RYR2: variants seen among roughly 807,000 people sequenced by gnomAD.
RYR2 encodes the protein ryanodine receptor 2, also known as cardiac muscle ryanodine receptor-calcium release channel.
Under a neutral mutation model 601.1 loss-of-function variants are expected in RYR2, and 227 were observed. The ratio of observed to expected loss-of-function variants is 0.38; its 90% CI spans 0.34 to 0.42. The LOEUF (loss-of-function observed/expected upper bound fraction) is 0.42, where lower values mean the gene tolerates loss of function less well. Ranked by LOEUF, RYR2 falls within the 10% of genes least tolerant of loss-of-function variation. The pLI, the probability that RYR2 is intolerant of heterozygous loss-of-function variation, is 1.00. For missense variants in RYR2, 4,646 were observed against 6,156.5 expected (o/e 0.75, Z 8.21); for synonymous variants, 2,223 against 2,175.1 (o/e 1.02, Z -0.61).
intron 56 of RYR2, among the ~76,000 whole-genome samples, chr1:237,665,397 CAAAAAAAAA>C (rs71162408): frequency 2.6e-3 from 247 of 95,608 alleles, no homozygotes; most frequent in Middle Eastern, 8.9e-3. Flanking sequence ...GACTCTGTCT[CAAAAAAAAA>C]AAAAAAAAAA....
At chr1:237,706,861 C>G (rs1175544241) in intron 67 of RYR2, 88 bp from the exon 68 acceptor site, 2 of 1,177,660 alleles carry the variant, frequency 1.7e-6, no homozygotes, top group Non-Finnish European at 2.5e-6. Flanking sequence ...ATTTTGAAGT[C>G]CAAAATGAAA....
At chr1:237,540,696 A>C (rs1975960) in intron 25 of RYR2, among the ~76,000 whole-genome samples, 50,946 of 150,810 alleles carry the variant, frequency 0.34, 9,266 homozygotes, top group East Asian at 0.48. Context: ...AACAAAAGTG[A>C]AACTCCGTTT....
In RYR2 at chr1:237,709,513, A is replaced by C; in HGVS notation, c.10176A>C (p.Ala3392=). ...GGCTAAAGGAGCCTAACCCAGAAGC[A>C]GAGGAGCTCTTCCGCATGGTGGCTG... ...AKWLKEPNPE[A]EELFRMVAEV... is the part of the protein sequence containing the mutation. The change falls in exon 70 of 105, where the codon GCA becomes GCC. Residue 3392 remains alanine (A), a synonymous_variant. Transcript: ENST00000366574. 1 of 1,612,514 alleles carries C rather than the reference A, an allele frequency of 6.2e-7. No individual in the cohort carries two copies. Among genetic ancestry groups the C allele is most frequent in the Non-Finnish European group, 8.5e-7 (1 of 1,179,178 alleles).
rs1670037153 is a variant in RYR2, at chr1:237,548,373, A to G, written c.2907-58A>G. On this transcript the variant is annotated intron_variant, in intron 25 of 104. Transcript: ENST00000366574. ...GAGGTAGGGCCAGAAAATGATATTT[A>G]CAGAGATTTTTATGAAAAGGCCAAT... 4 of 1,561,536 alleles carry G rather than the reference A, an allele frequency of 2.6e-6. No homozygotes were observed. In the African/African-American group the frequency reaches 4.1e-5, roughly 16 times the overall value.
At chr1:237,806,049 C>T in intron 98 of RYR2, 88 bp from the exon 99 acceptor site, 1 of 1,164,112 alleles carries the variant, frequency 8.6e-7, no homozygotes, top group Non-Finnish European at 1.2e-6. Context: ...GTTTAACTTT[C>T]TGTTCCTGGC....
intron 80 of RYR2, among the ~76,000 whole-genome samples, chr1:237,747,839 T>C (rs1040404318): frequency 1.3e-4 from 20 of 152,128 alleles, no homozygotes; most frequent in Non-Finnish European, 2.8e-4. Context: ...TCAAGAAAAT[T>C]TATAATTCTT....
chr1:237,610,839 C>A lies in RYR2; in HGVS notation c.4761C>A (p.His1587Gln), dbSNP rs369612535. The change falls in exon 36 of 105, where the codon CAC becomes CAA. Residue 1587 changes from histidine (H) to glutamine (Q), a missense_variant. Physicochemically the swap from His to Gln is conservative, Grantham distance 24 (BLOSUM62 0). Coordinates refer to ENST00000366574, the MANE Select transcript of RYR2 (RefSeq NM_001035.3). This position sits in a 1 kb window ranked among gnomAD's most constrained non-coding sequence, Gnocchi z 4.9. The part of the protein sequence containing the change: ...NPVPQCPPRL[H>Q]VQFLSHVLWS... Reference sequence around the variant, plus strand: ...TGCCGCAGTGCCCCCCGCGCCTCCACGTGCAGTTCCTGTCACACGTCCTGT... The same window carrying A: ...TGCCGCAGTGCCCCCCGCGCCTCCAAGTGCAGTTCCTGTCACACGTCCTGT... 6.2e-7 allele frequency: 1 copy of A among 1,613,132 alleles called. No homozygotes were observed. Among genetic ancestry groups the A allele is most frequent in the South Asian group, 1.1e-5 (1 of 90,814 alleles).
At chr1:237,284,646 A>G (rs956788986) in intron 2 of RYR2, among the ~76,000 whole-genome samples, 10 of 99,266 alleles carry the variant, frequency 1.0e-4, no homozygotes, top group South Asian at 6.2e-4. Context: ...TAGTGTGTGT[A>G]TATATATATA....
chr1:237,626,127 C>T (rs538169402), intron 40 of RYR2, among the ~76,000 whole-genome samples: 4 of 152,166 alleles, frequency 2.6e-5, no homozygotes, highest in South Asian at 2.1e-4. Context: ...AATATGAGGT[C>T]GATTTTCAAA....
At chr1:237,715,378 A>T (rs187982838) in intron 71 of RYR2, among the ~76,000 whole-genome samples, 2 of 152,354 alleles carry the variant, frequency 1.3e-5, no homozygotes, top group Admixed American at 1.3e-4. Context: ...TAATTTCCTC[A>T]TATGAACAGT....
chr1:237,376,280 A>G (rs1701029040), intron 7 of RYR2, among the ~76,000 whole-genome samples: 1 of 152,212 alleles, frequency 6.6e-6, no homozygotes, highest in Admixed American at 6.5e-5. Context: ...AACACAGATT[A>G]CATGTTGACT....
At chr1:237,778,484 C>T (rs1694841067) in intron 87 of RYR2, among the ~76,000 whole-genome samples, 182 bp from the exon 88 acceptor site, 2 of 151,676 alleles carry the variant, frequency 1.3e-5, no homozygotes, top group Non-Finnish European at 2.9e-5. Flanking sequence ...GAACGTATTT[C>T]TCTCTTAAGG....
chr1:237,711,799 T>A lies in RYR2; in HGVS notation c.10285T>A (p.Ser3429Thr). 1 of 1,567,798 alleles carries A rather than the reference T, an allele frequency of 6.4e-7. No individual in the cohort carries two copies. The highest frequency in any genetic ancestry group is 8.8e-7 in the Non-Finnish European group (1 of 1,139,846). The change falls in exon 71 of 105, where the codon TCT becomes ACT. Residue 3429 changes from serine (S) to threonine (T), a missense_variant. Physicochemically the swap from Ser to Thr is moderately conservative, Grantham distance 58 (BLOSUM62 1). Coordinates refer to ENST00000366574, the MANE Select transcript of RYR2 (RefSeq NM_001035.3). ...TGTACAGAATGAAATCAACAATATG[T>A]CTTTCCTTATTACTGATACCAAGTC... ...FVVQNEINNM[S>T]FLITDTKSKM... is the part of the protein sequence containing the mutation.
intron 49 of RYR2, among the ~76,000 whole-genome samples, chr1:237,649,198 A>G (rs3766879): frequency 0.17 from 25,202 of 152,194 alleles, 2,258 homozygotes; most frequent in East Asian, 0.24. Flanking sequence ...TTATGCTACT[A>G]TACATATTTA....
At chr1:237,287,274 A>G (rs576864375) in intron 2 of RYR2, among the ~76,000 whole-genome samples, 3 of 152,312 alleles carry the variant, frequency 2.0e-5, no homozygotes, top group South Asian at 4.1e-4. Flanking sequence ...GGATAACCTG[A>G]GGACAATGTG....
intron 53 of RYR2, 22 bp from the exon 54 acceptor site, chr1:237,657,922 T>C (rs1011622084): frequency 1.9e-5 from 25 of 1,337,400 alleles, no homozygotes; most frequent in Non-Finnish European, 2.5e-5. Flanking sequence ...ATCAAGCTCT[T>C]TTGTCTTTAC....
chr1:237,675,621 G>GT (rs1164979548), intron 60 of RYR2, among the ~76,000 whole-genome samples: 1 of 152,042 alleles, frequency 6.6e-6, no homozygotes, highest in Non-Finnish European at 1.5e-5. Context: ...TTTTCTCTTT[G>GT]TTTTTAACAC....
At chr1:237,635,634 C>T (rs1000051982) in intron 44 of RYR2, among the ~76,000 whole-genome samples, 2 of 152,150 alleles carry the variant, frequency 1.3e-5, no homozygotes, top group Admixed American at 6.5e-5. Flanking sequence ...ATCTGTTCTT[C>T]CCTTATCAGC....
chr1:237,819,912 C>T lies in RYR2; in HGVS notation c.14590+720C>T, dbSNP rs868630229. 1.3e-5 allele frequency among the ~76,000 whole-genome samples: 2 copies of T among 151,794 alleles called. No individual in the cohort carries two copies. The highest frequency in any genetic ancestry group is 2.1e-4 in the South Asian group (1 of 4,804). On this transcript the variant is annotated intron_variant, in intron 101 of 104. Transcript: ENST00000366574. The surrounding 1 kb of genome is among the most constrained non-coding windows in gnomAD (Gnocchi z 4.0). ...TTTTAAAAATGACATACAGGCCAGG[C>T]GCAGGGGCTCACGCCTGTAATCCCA...
Sources: allele counts gnomAD v4.1 joint callset (sites outside exome capture counted in the v4.1 genomes callset), GRCh38; gene constraint gnomAD v4.1.1; non-coding constraint Gnocchi (gnomAD v3.1); transcripts MANE v1.5; gene names NCBI Gene and HGNC (gene_info 2026-07-23, HGNC 2026-07-21).